Variants in USP45 observed in about 807,000 individuals in gnomAD.
The protein encoded by USP45 is ubiquitin carboxyl-terminal hydrolase 45.
In USP45, 89 loss-of-function variants were observed where a neutral mutation model predicts 95.8. The ratio of observed to expected loss-of-function variants is 0.93; its 90% CI spans 0.78 to 1.11. The LOEUF (loss-of-function observed/expected upper bound fraction) is 1.11. USP45 is among the 50% of genes least tolerant of loss of function. The probability of loss-of-function intolerance (pLI) is 0.00; values close to 1 mark genes in which losing one functional copy is unlikely to be tolerated. For synonymous variants in USP45, 281 were observed against 316.2 expected, an observed-to-expected ratio of 0.89 and a Z score of 1.18; for missense variants, 898 against 942.5, an observed-to-expected ratio of 0.95 and a Z score of 0.62.
rs1782528243 is a variant in USP45, at chr6:99,446,231, G to A, written c.1541C>T (p.Ser514Leu). 3 of 1,614,026 alleles carry A rather than the reference G, an allele frequency of 1.9e-6. No homozygotes were observed. Among genetic ancestry groups the A allele is most frequent in the Non-Finnish European group, 2.5e-6 (3 of 1,180,014 alleles). The change falls in exon 14 of 18, where the codon TCA (serine) becomes TTA (leucine). Residue 514 changes from serine (S) to leucine (L), a missense_variant. Transcript: ENST00000500704. Reference protein sequence around the residue: ...DSEPSESESASKQTGLFRSSS... With the variant: ...DSEPSESESALKQTGLFRSSS... The stretch of plus-strand genomic sequence containing the variant: ...GGATCTGAACAGCCCAGTCTGCTTT[G>A]AAGCACTTTCAGATTCTGAAGGCTC...
At chr6:99,487,323 C>CT (rs1794146235) in intron 7 of USP45, among the ~76,000 whole-genome samples, 1 of 152,180 alleles carries the variant, frequency 6.6e-6, no homozygotes, top group African/African-American at 2.4e-5. Flanking sequence ...CTTGCTTTGT[C>CT]TTATTTCATC....
chr6:99,462,040 AG>A (rs1786571469), intron 13 of USP45: 5 of 985,180 alleles, frequency 5.1e-6, no homozygotes, highest in Non-Finnish European at 6.0e-6. Context: ...TCTTGAATAT[AG>A]TACCTTAAAG....
chr6:99,480,878 A>C (rs942776633), intron 8 of USP45, among the ~76,000 whole-genome samples: 1 of 152,220 alleles, frequency 6.6e-6, no homozygotes, highest in African/African-American at 2.4e-5. Flanking sequence ...TTTTAAAAAA[A>C]TATATTTGTC....
At chr6:99,451,048 G>A (rs1783739867) in intron 13 of USP45, among the ~76,000 whole-genome samples, 1 of 152,114 alleles carries the variant, frequency 6.6e-6, no homozygotes, top group Non-Finnish European at 1.5e-5. Context: ...AATAATAAGA[G>A]CTATCTATGA....
At chr6:99,455,355 G>A (rs2128590414) in intron 13 of USP45, among the ~76,000 whole-genome samples, 1 of 152,216 alleles carries the variant, frequency 6.6e-6, no homozygotes, top group Non-Finnish European at 1.5e-5. Context: ...GGAGGCTGAG[G>A]CATGAGAATC....
chr6:99,435,998 AAG>A (rs1320963615), intron 17 of USP45, 152 bp from the exon 18 acceptor site: 2 of 765,692 alleles, frequency 2.6e-6, no homozygotes, highest in Non-Finnish European at 4.0e-6. Context: ...ATTTTCCAAA[AAG>A]AACTTTTTTT....
chr6:99,481,974 C>T (rs530827109), intron 8 of USP45, among the ~76,000 whole-genome samples: 53 of 152,300 alleles, frequency 3.5e-4, no homozygotes, highest in African/African-American at 1.3e-3. Context: ...GAAACATACA[C>T]TAAGCCCTCT....
At chr6:99,492,644 G>A (rs1430852812) in intron 5 of USP45, among the ~76,000 whole-genome samples, 5 of 134,736 alleles carry the variant, frequency 3.7e-5, no homozygotes, top group African/African-American at 5.9e-5. Flanking sequence ...ACAGGCATGC[G>A]CCACCATGCC....
upstream of USP45, chr6:99,515,511 G>A (rs956873274): frequency 6.6e-6 from 1 of 152,266 alleles, no homozygotes; most frequent in African/African-American, 2.4e-5. Flanking sequence ...GAGGGTTCCA[G>A]GCGGCGCGCC....
chr6:99,486,219 C>T (rs942629448), intron 7 of USP45, among the ~76,000 whole-genome samples: 10 of 152,132 alleles, frequency 6.6e-5, no homozygotes, highest in Non-Finnish European at 1.0e-4. Context: ...CAGTAACCAA[C>T]TCAAAGAACA....
chr6:99,470,184 T>G (rs1393952251), intron 9 of USP45, among the ~76,000 whole-genome samples: 1 of 152,040 alleles, frequency 6.6e-6, no homozygotes, highest in African/African-American at 2.4e-5. Flanking sequence ...AACACCAACA[T>G]CCCCTTCTGC....
At position 99,446,175 on chromosome 6, in the gene USP45, GTCCATCTGGCTGCACACCGGA is replaced by G. The variant is rs1336029884; in HGVS notation, c.1576_1596del (p.Ser526_Gly532del). The G allele has an allele frequency of 6.2e-7, 1 of 1,614,006 alleles. No individual in the cohort carries two copies. The highest frequency in any genetic ancestry group is 2.2e-5 in the East Asian group (1 of 44,876). On this transcript the variant is annotated inframe_deletion, in exon 14 of 18. Coordinates refer to ENST00000500704, the MANE Select transcript of USP45 (RefSeq NM_001346022.3). ...TTACCTGCTGACAGAGGGTAAAGGGGTCCATCTGGCTGCACACCGGATCCACTACTGGATCTGAACAGCCCA... is the reference window on the plus strand; with the variant it reads ...TTACCTGCTGACAGAGGGTAAAGGGGTCCACTACTGGATCTGAACAGCCCA...
chr6:99,486,950 T>C (rs1794055383), intron 7 of USP45, among the ~76,000 whole-genome samples: 1 of 152,042 alleles, frequency 6.6e-6, no homozygotes, highest in Non-Finnish European at 1.5e-5. Context: ...TTGAACTAGG[T>C]GGGTTTATTA....
chr6:99,452,673 C>T (rs1784148589), intron 13 of USP45, among the ~76,000 whole-genome samples: 1 of 152,346 alleles, frequency 6.6e-6, no homozygotes, highest in African/African-American at 2.4e-5. Context: ...CATCCCATTA[C>T]TGGGTATATA....
chr6:99,442,817 A>T (rs1034705813), intron 15 of USP45, among the ~76,000 whole-genome samples: 7 of 152,332 alleles, frequency 4.6e-5, no homozygotes, highest in African/African-American at 1.4e-4. Context: ...ACTGTACTCC[A>T]GCCTGGCAAC....
At chr6:99,510,063 T>G in intron 2 of USP45, 58 bp downstream of exon 2, 1 of 1,324,378 alleles carries the variant, frequency 7.6e-7, no homozygotes, top group East Asian at 2.3e-5. Flanking sequence ...TGTTGAAGGG[T>G]CAACTGCATT....
In USP45 at chr6:99,446,013, A is replaced by C; in HGVS notation, c.1759T>G (p.Leu587Val). The C allele has an allele frequency of 1.2e-6, 2 of 1,613,888 alleles. No homozygotes were observed. Among genetic ancestry groups the C allele is most frequent in the Middle Eastern group, 1.6e-4 (1 of 6,084 alleles). ...ENQPLNISNN[L>V]CFLEGKHLRS... The stretch of plus-strand genomic sequence containing the variant: ...AAATGCTTCCCCTCTAAAAAACATA[A>C]ATTATTTGAAATATTTAGTGGCTGA... The change falls in exon 14 of 18, where the codon TTA becomes GTA. Residue 587 changes from leucine (L) to valine (V), a missense_variant. Coordinates refer to ENST00000500704, the MANE Select transcript of USP45 (RefSeq NM_001346022.3).
intron 13 of USP45, among the ~76,000 whole-genome samples, chr6:99,447,121 A>G (rs1249020171): frequency 6.6e-6 from 1 of 152,198 alleles, no homozygotes; most frequent in Non-Finnish European, 1.5e-5. Flanking sequence ...ATAAACTATT[A>G]TGACACAGTG....
chr6:99,515,863 C>G (rs963153933), upstream of USP45, among the ~76,000 whole-genome samples: 3 of 151,608 alleles, frequency 2.0e-5, no homozygotes, highest in Non-Finnish European at 2.9e-5. Flanking sequence ...CAACCTCCGC[C>G]TACCGGGTTC....
Sources: allele counts gnomAD v4.1 joint callset (sites outside exome capture counted in the v4.1 genomes callset), GRCh38; gene constraint gnomAD v4.1.1; transcripts MANE v1.5; gene names NCBI Gene and HGNC (gene_info 2026-07-23, HGNC 2026-07-21).